Variants in HSPG2 observed in about 807,000 individuals in gnomAD.
The protein encoded by HSPG2 is basement membrane-specific heparan sulfate proteoglycan core protein.
HSPG2 carries 278 observed loss-of-function variants against 526.6 expected under a neutral mutation model. The observed-to-expected ratio is 0.53, with a 90% CI of 0.48 to 0.58. The LOEUF (loss-of-function observed/expected upper bound fraction) is 0.58. HSPG2 is among the 20% of genes least tolerant of loss of function. The pLI is 0.00. For synonymous variants in HSPG2, 2,465 were observed against 2,555.4 expected (o/e 0.96, Z 1.07); for missense variants, 5,354 against 6,099.5 (o/e 0.88, Z 4.07).
At chr1:21,832,945 A>G in intron 80 of HSPG2, 1 of 552,954 alleles carries the variant, frequency 1.8e-6, no homozygotes, top group Non-Finnish European at 3.3e-6. Context: ...AGAGGAGGAA[A>G]GGGTGAGATG....
intron 1 of HSPG2, among the ~76,000 whole-genome samples, chr1:21,918,181 C>G (rs112238824): frequency 0.011 from 1,647 of 152,186 alleles, 31 homozygotes; most frequent in African/African-American, 0.037. Flanking sequence ...AATGGGACAA[C>G]AGGCCGTGTG....
chr1:21,856,253 C>CA (rs1325423688), intron 44 of HSPG2, among the ~76,000 whole-genome samples: 3 of 152,210 alleles, frequency 2.0e-5, no homozygotes, highest in African/African-American at 7.2e-5. Context: ...GCTCCTGCCT[C>CA]AGGGCCTTGC....
chr1:21,852,114 C>G lies in HSPG2; in HGVS notation c.6844G>C (p.Gly2282Arg), dbSNP rs1638952042. ...AHAQVTWYKR[G>R]GSLPARHQVR... ...TGGTGCCGGGCAGGGAGGCTGCCCC[C>G]ACGCTTGTACCATGTGACCTGGGCG... Residue 2282 changes from glycine to arginine, a missense_variant, in exon 53 of 97, where the codon GGG becomes CGG. Transcript: ENST00000374695. 1.2e-6 allele frequency: 2 copies of G among 1,613,766 alleles called. No individual in the cohort carries two copies. Among genetic ancestry groups the G allele is most frequent in the East Asian group, 4.5e-5 (2 of 44,876 alleles).
chr1:21,932,102 C>T (rs1283401593), intron 1 of HSPG2, among the ~76,000 whole-genome samples: 1 of 151,712 alleles, frequency 6.6e-6, no homozygotes, highest in Admixed American at 6.6e-5. Flanking sequence ...CACAGGCGTC[C>T]CTAGGAGACC....
chr1:21,829,547 GC>G lies in HSPG2; in HGVS notation c.11827del (p.Ala3943ProfsTer87). 6.2e-7 allele frequency: 1 copy of G among 1,612,434 alleles called. No homozygotes were observed. The highest frequency in any genetic ancestry group is 8.5e-7 in the Non-Finnish European group (1 of 1,179,400). On this transcript the variant is annotated frameshift_variant, in exon 87 of 97. Coordinates refer to ENST00000374695, the MANE Select transcript of HSPG2 (RefSeq NM_005529.7). LOFTEE classifies it high-confidence loss of function. ...SGAGSYLALP[A>X]LTNTHHELRL... ...TAGCTCGTGGTGTGTGTTGGTGAGGGCGGGCAGTGCCAGGTAGGAGCCAGCA... is the reference window on the plus strand; with the variant it reads ...TAGCTCGTGGTGTGTGTTGGTGAGGGGGGCAGTGCCAGGTAGGAGCCAGCA...
At chr1:21,917,158 G>A (rs576252018) in intron 1 of HSPG2, among the ~76,000 whole-genome samples, 2 of 152,134 alleles carry the variant, frequency 1.3e-5, no homozygotes, top group South Asian at 2.1e-4. Context: ...ATGGCTGGGC[G>A]CGGTGGCACA....
At position 21,847,317 on chromosome 1, in the gene HSPG2, T is replaced by C. The variant is rs188447078; in HGVS notation, c.8164+37A>G. On this transcript the variant is annotated intron_variant, in intron 62 of 96. Coordinates refer to ENST00000374695, the MANE Select transcript of HSPG2 (RefSeq NM_005529.7). The surrounding 1 kb of genome is among the most constrained non-coding windows in gnomAD (Gnocchi z 4.1). ...GTTCCTTCTCCCCAGGGAACACTGT[T>C]GCCTGCATCCCTCGTCCCTTTCCTA... 87 of 1,612,840 alleles carry C rather than the reference T, an allele frequency of 5.4e-5. No individual in the cohort carries two copies. The African/African-American group carries it at 1.1e-3, about 20-fold the overall frequency.
rs373527247 is a variant in HSPG2, at chr1:21,874,717, C to T, written c.3427G>A (p.Gly1143Ser). The T allele has an allele frequency of 1.2e-6, 2 of 1,603,880 alleles. No homozygotes were observed. The highest frequency in any genetic ancestry group is 2.7e-5 in the African/African-American group (2 of 74,670). The change falls in exon 27 of 97, where the codon GGC becomes AGC. Residue 1143 changes from glycine to serine, a missense_variant. Transcript: ENST00000374695. ...AGGCCACTGGGCGTGCGTGTGTAGC[C>T]TGTGTCACAGTCCTGGGGGCAGAAA... Reference protein sequence around the residue: ...RGPSCQDCDTGYTRTPSGLYL... With the variant: ...RGPSCQDCDTSYTRTPSGLYL...
At chr1:21,925,667 G>C (rs895447899) in intron 1 of HSPG2, among the ~76,000 whole-genome samples, 7 of 152,174 alleles carry the variant, frequency 4.6e-5, no homozygotes, top group Non-Finnish European at 1.0e-4. Flanking sequence ...CCATGTGGCA[G>C]ACATGCAGCC....
chr1:21,846,021 A>G, intron 64 of HSPG2, 87 bp downstream of exon 64: 1 of 1,493,640 alleles, frequency 6.7e-7, no homozygotes, highest in African/African-American at 1.4e-5. Flanking sequence ...GAGTGCCAGA[A>G]AGTGTTTCCT....
At position 21,884,524 on chromosome 1, in the gene HSPG2, G is replaced by C; in HGVS notation, c.1654+4C>G. ...CCGCAGCGCTCACCCGCCCGCCAAC[G>C]CACCCTTGAAGTCATCGGGTTGGTC... On this transcript the variant is annotated splice_donor_region_variant and intron_variant, in intron 13 of 96. Coordinates refer to ENST00000374695, the MANE Select transcript of HSPG2 (RefSeq NM_005529.7). 1 of 1,611,040 alleles carries C rather than the reference G, an allele frequency of 6.2e-7. No individual in the cohort carries two copies. Among genetic ancestry groups the C allele is most frequent in the Non-Finnish European group, 8.5e-7 (1 of 1,179,856 alleles).
In HSPG2 at chr1:21,887,540, C is replaced by T. The variant is rs142480076; in HGVS notation, c.838G>A (p.Val280Ile). 18 of 1,613,982 alleles carry T rather than the reference C, an allele frequency of 1.1e-5. No homozygotes were observed. Among genetic ancestry groups the T allele is most frequent in the South Asian group, 2.2e-5 (2 of 91,078 alleles). ...TGGGGCCCACAGGGCAGGGGCCTGA[C>T]GGAACCGGGAAGCAGGGGCTGAGGA... Reference protein sequence around the residue: ...HAPQPLLPGSVRPLPCGPQEA... With the variant: ...HAPQPLLPGSIRPLPCGPQEA... Residue 280 changes from valine to isoleucine, a missense_variant, in exon 8 of 97, where the codon GTC (valine) becomes ATC (isoleucine). Val to Ile is a conservative substitution (Grantham distance 29). Coordinates refer to ENST00000374695, the MANE Select transcript of HSPG2 (RefSeq NM_005529.7). The surrounding 1 kb of genome is among the most constrained non-coding windows in gnomAD (Gnocchi z 5.0).
At position 21,875,725 on chromosome 1, in the gene HSPG2, C is replaced by G. The variant is rs1231901040; in HGVS notation, c.3206G>C (p.Gly1069Ala). The G allele has an allele frequency of 6.2e-7, 1 of 1,605,004 alleles. No homozygotes were observed. The change falls in exon 25 of 97, where the codon GGG becomes GCG. Residue 1069 changes from glycine to alanine, a missense_variant. Physicochemically the swap from Gly to Ala is moderately conservative, Grantham distance 60. Coordinates refer to ENST00000374695, the MANE Select transcript of HSPG2 (RefSeq NM_005529.7). ...FREQAWQRPDGQPATREHLLM... is the reference protein window; with the variant it reads ...FREQAWQRPDAQPATREHLLM... The stretch of plus-strand genomic sequence containing the variant: ...CAGGTGCTCCCGTGTGGCTGGCTGC[C>G]CATCGGGCCGCTGCCATGCTTGCTG...
chr1:21,831,681 C>T lies in HSPG2; in HGVS notation c.11323G>A (p.Asp3775Asn). The change falls in exon 82 of 97, where the codon GAC (aspartate) becomes AAC (asparagine). Residue 3775 changes from aspartate to asparagine, a missense_variant. Transcript: ENST00000374695. ...GAGGTCCCATTGACCGGGGCCAGGTCACCCACAATCAGGGAGCCCTGGGTG... is the reference window on the plus strand; with the variant it reads ...GAGGTCCCATTGACCGGGGCCAGGTTACCCACAATCAGGGAGCCCTGGGTG... ...SLTQGSLIVG[D>N]LAPVNGTSQG... is the part of the protein sequence containing the mutation. 1 of 1,605,776 alleles carries T rather than the reference C, an allele frequency of 6.2e-7. No individual in the cohort carries two copies. The highest frequency in any genetic ancestry group is 8.5e-7 in the Non-Finnish European group (1 of 1,175,624).
chr1:21,870,952 G>A, intron 33 of HSPG2: 1 of 869,084 alleles, frequency 1.2e-6, no homozygotes, highest in Non-Finnish European at 1.4e-6. Flanking sequence ...GGGAGGCCAG[G>A]AGATAGCGAA....
intron 91 of HSPG2, among the ~76,000 whole-genome samples, chr1:21,825,715 C>T (rs2097970977): frequency 6.6e-6 from 1 of 152,220 alleles, no homozygotes; most frequent in African/African-American, 2.4e-5. Flanking sequence ...CATCCAGCTA[C>T]AGACACCACT....
chr1:21,872,446 G>A lies in HSPG2; in HGVS notation c.4030-69C>T. 1 of 1,464,828 alleles carries A rather than the reference G, an allele frequency of 6.8e-7. No homozygotes were observed. The highest frequency in any genetic ancestry group is 9.3e-7 in the Non-Finnish European group (1 of 1,073,568). 90.7% of individuals were successfully genotyped at this position (1,464,828 alleles called of 1,614,324 possible). A position where few individuals can be genotyped will look rare whatever the true frequency, so the allele number is the denominator to read the frequency against. Reference sequence around the variant, plus strand: ...TGCCTTGGTGGGGGATGGGGCACGGGAGGGTGTTAAGGTGCGGAATGGGGT... The same window carrying A: ...TGCCTTGGTGGGGGATGGGGCACGGAAGGGTGTTAAGGTGCGGAATGGGGT... On this transcript the variant is annotated intron_variant, in intron 32 of 96. Transcript: ENST00000374695. The surrounding 1 kb of genome is among the most constrained non-coding windows in gnomAD (Gnocchi z 5.5).
At chr1:21,877,893 A>G (rs934654220) in intron 21 of HSPG2, among the ~76,000 whole-genome samples, 2 of 152,216 alleles carry the variant, frequency 1.3e-5, no homozygotes, top group Admixed American at 6.5e-5. Context: ...CATTGTATCA[A>G]TGTGACAATG....
At chr1:21,932,307 G>A (rs1644370100) in intron 1 of HSPG2, among the ~76,000 whole-genome samples, 1 of 152,150 alleles carries the variant, frequency 6.6e-6, no homozygotes, top group African/African-American at 2.4e-5. Context: ...GGAGAGCTTC[G>A]TCTGGATTCA....
Sources: allele counts gnomAD v4.1 joint callset (sites outside exome capture counted in the v4.1 genomes callset), GRCh38; gene constraint gnomAD v4.1.1; non-coding constraint Gnocchi (gnomAD v3.1); transcripts MANE v1.5; gene names NCBI Gene and HGNC (gene_info 2026-07-23, HGNC 2026-07-21).